The following TMCO4 variants were observed in gnomAD, a reference collection of about 807,000 sequenced individuals.
The protein encoded by TMCO4 is transmembrane and coiled-coil domains 4.
A neutral mutation model predicts 64.7 loss-of-function variants in TMCO4; 58 were observed. That is an observed-to-expected ratio of 0.90 (90% confidence interval 0.73 to 1.12). The LOEUF (loss-of-function observed/expected upper bound fraction) is 1.12, where lower values mean the gene tolerates loss of function less well. Ranked by LOEUF, TMCO4 falls within the 50% of genes most tolerant of loss-of-function variation. The pLI, the probability that TMCO4 is intolerant of heterozygous loss-of-function variation, is 0.00. For synonymous variants in TMCO4, 325 were observed against 346.1 expected (o/e 0.94, Z 0.68); for missense variants, 780 against 825.9 (o/e 0.94, Z 0.68).
intron 13 of TMCO4, among the ~76,000 whole-genome samples, chr1:19,715,237 A>C (rs978607886): frequency 2.0e-5 from 3 of 152,116 alleles, no homozygotes; most frequent in Non-Finnish European, 4.4e-5. Context: ...GTCTCAAAAC[A>C]AATTATTTAT....
Position 19,774,931 on chromosome 1 carries a change from G to C in TMCO4, c.180-3449C>G, listed in dbSNP as rs577443633. Reference sequence around the variant, plus strand: ...GAGGCTATGCATACCAGCTGCAGAGGTTACCCCACTCCAGTGGTTATGTCC... The same window carrying C: ...GAGGCTATGCATACCAGCTGCAGAGCTTACCCCACTCCAGTGGTTATGTCC... On this transcript the variant is annotated intron_variant, in intron 4 of 15. Coordinates refer to ENST00000294543, the MANE Select transcript of TMCO4 (RefSeq NM_181719.7). Among the ~76,000 whole-genome samples the C allele has an allele frequency of 2.0e-5, 3 of 152,194 alleles. No individual in the cohort carries two copies. In the East Asian group the frequency reaches 5.8e-4, roughly 29 times the overall value.
At chr1:19,727,342 C>A (rs2100771047) in intron 13 of TMCO4, among the ~76,000 whole-genome samples, 1 of 152,324 alleles carries the variant, frequency 6.6e-6, no homozygotes, top group African/African-American at 2.4e-5. Context: ...CAAGCACCTA[C>A]TATGTGCCAG....
intron 13 of TMCO4, among the ~76,000 whole-genome samples, chr1:19,705,480 T>C (rs931553305): frequency 7.4e-6 from 1 of 134,334 alleles, no homozygotes; most frequent in Non-Finnish European, 1.6e-5. Context: ...AATAAACAAA[T>C]AAATAAAAAT....
chr1:19,700,720 G>T, intron 14 of TMCO4, 48 bp downstream of exon 14: 1 of 1,467,314 alleles, frequency 6.8e-7, no homozygotes, highest in Non-Finnish European at 9.5e-7. Flanking sequence ...CATACTAAGT[G>T]CTCCGTAAGC....
chr1:19,690,452 C>T (rs1286640572), intron 15 of TMCO4, among the ~76,000 whole-genome samples: 1 of 152,248 alleles, frequency 6.6e-6, no homozygotes, highest in Non-Finnish European at 1.5e-5. Flanking sequence ...CCACTTTCCC[C>T]TCGAGGCAAC....
At chr1:19,795,192 C>T (rs144560095) in intron 2 of TMCO4, among the ~76,000 whole-genome samples, 1 of 152,116 alleles carries the variant, frequency 6.6e-6, no homozygotes, top group Non-Finnish European at 1.5e-5. Context: ...AAATAGGGGC[C>T]GGACACAGTG....
intron 13 of TMCO4, among the ~76,000 whole-genome samples, chr1:19,720,990 T>G (rs897809706): frequency 3.9e-5 from 6 of 152,104 alleles, no homozygotes; most frequent in African/African-American, 1.4e-4. Flanking sequence ...TGCTGGGAAC[T>G]GAGATGATTA....
At chr1:19,731,345 G>T (rs2095429184) in intron 13 of TMCO4, among the ~76,000 whole-genome samples, 1 of 152,206 alleles carries the variant, frequency 6.6e-6, no homozygotes, top group African/African-American at 2.4e-5. Flanking sequence ...TCAATGCTCA[G>T]CGAGTACTTC....
rs59296765 is a variant in TMCO4 at position 19,701,250 on chromosome 1, A to T, written c.1265-365T>A. 8.7e-3 allele frequency: 1,344 copies of T among 154,274 alleles called. 17 individuals carry two copies. The highest frequency in any genetic ancestry group is 0.031 in the African/African-American group (1,282 of 41,580). 9.6% of individuals were successfully genotyped at this position (154,274 alleles called of 1,614,324 possible). A position where few individuals can be genotyped will look rare whatever the true frequency, so the allele number is the denominator to read the frequency against. On this transcript the variant is annotated intron_variant, in intron 13 of 15. Coordinates refer to ENST00000294543, the MANE Select transcript of TMCO4 (RefSeq NM_181719.7). ...CAGTGGCATGATCTCAGCTCACTGC[A>T]ACCTCCGCCTCCTGGGTTCAAGCGA... is the stretch of plus-strand genomic sequence containing the variant.
chr1:19,704,402 G>A (rs988272563), intron 13 of TMCO4, among the ~76,000 whole-genome samples: 2 of 152,236 alleles, frequency 1.3e-5, no homozygotes, highest in Middle Eastern at 3.2e-3. Flanking sequence ...GGTCAGAGAG[G>A]GGATGGGGCT....
intron 7 of TMCO4, among the ~76,000 whole-genome samples, chr1:19,754,312 A>G (rs1403047619): frequency 1.3e-5 from 2 of 152,188 alleles, no homozygotes. Flanking sequence ...CGACATATCC[A>G]AAGAACCTAG....
At chr1:19,742,111 T>C (rs561651508) in intron 10 of TMCO4, among the ~76,000 whole-genome samples, 2 of 152,228 alleles carry the variant, frequency 1.3e-5, no homozygotes, top group South Asian at 2.1e-4. Context: ...AGATCGTACA[T>C]CAGTTCCCCT....
chr1:19,773,760 G>A (rs539780464), intron 4 of TMCO4, among the ~76,000 whole-genome samples: 165 of 152,190 alleles, frequency 1.1e-3, no homozygotes, highest in Middle Eastern at 3.4e-3. Context: ...AAATATAAAG[G>A]GCCGAAAGTG....
In TMCO4 at chr1:19,746,604, G is replaced by T; in HGVS notation, c.614-5C>A. On this transcript the variant is annotated splice_region_variant and splice_polypyrimidine_tract_variant and intron_variant, in intron 8 of 15. Transcript: ENST00000294543. ...CAGCTAGACCTCCAGTCACACCTGTGGGAAAAGCAGCAGTTTCAGGTGGGA... is the reference window on the plus strand; with the variant it reads ...CAGCTAGACCTCCAGTCACACCTGTTGGAAAAGCAGCAGTTTCAGGTGGGA... 6.3e-7 allele frequency: 1 copy of T among 1,599,900 alleles called. No homozygotes were observed. Among genetic ancestry groups the T allele is most frequent in the Non-Finnish European group, 8.5e-7 (1 of 1,170,054 alleles).
chr1:19,752,913 C>T (rs969909772), intron 7 of TMCO4, among the ~76,000 whole-genome samples: 3 of 151,476 alleles, frequency 2.0e-5, no homozygotes, highest in Admixed American at 6.6e-5. Context: ...CTGATGCTGG[C>T]AACGTTCTTA....
rs749681130 is a variant in TMCO4, at chr1:19,746,579, C to G, written c.634G>C (p.Ala212Pro). The change falls in exon 9 of 16, where the codon GCA (alanine) becomes CCA (proline). Residue 212 changes from alanine to proline, a missense_variant. Transcript: ENST00000294543. ...TVIGVTGGLA[A>P]PLVAAGAATI... ...GCTGCTCCAGCGGCAACAAGGGGTG[C>G]AGCTAGACCTCCAGTCACACCTGTG... The G allele has an allele frequency of 3.1e-6, 5 of 1,610,516 alleles. No homozygotes were observed. Among genetic ancestry groups the G allele is most frequent in the Non-Finnish European group, 4.2e-6 (5 of 1,178,176 alleles).
Position 19,755,636 on chromosome 1 carries a change from A to G in TMCO4, c.513T>C (p.Ser171=). The change falls in exon 7 of 16, where the codon TCT becomes TCC. Residue 171 remains serine (S), a splice_region_variant and synonymous_variant. Transcript: ENST00000294543. ...ESLKEIKEEE[S]EMAEASRKKK... is the part of the protein sequence containing the mutation. ...TGGGGGTCGCGGGGCTCTCTTACTC[A>G]GATTCCTCTTCTTTGATTTCCTTCA... is the stretch of plus-strand genomic sequence containing the variant. 1.2e-6 allele frequency: 2 copies of G among 1,614,022 alleles called. No homozygotes were observed. Among genetic ancestry groups the G allele is most frequent in the Non-Finnish European group, 1.7e-6 (2 of 1,179,946 alleles).
chr1:19,739,748 C>T (rs957737647), intron 12 of TMCO4, 76 bp downstream of exon 12: 5 of 1,556,326 alleles, frequency 3.2e-6, no homozygotes, highest in Non-Finnish European at 4.3e-6. Flanking sequence ...GCCTCTAAGG[C>T]TGATATCTGT....
chr1:19,738,253 C>T, intron 12 of TMCO4: 1 of 152,370 alleles, frequency 6.6e-6, no homozygotes, highest in Non-Finnish European at 1.5e-5. Context: ...AAACAGTATT[C>T]GAATCCTGCA....
Sources: gnomAD v4.1 joint callset for allele counts (sites outside exome capture counted in the v4.1 genomes callset) on GRCh38, gnomAD v4.1.1 for gene constraint, MANE v1.5 for transcripts, NCBI Gene and HGNC (gene_info 2026-07-23, HGNC 2026-07-21) for gene names.